PCDH7: variants seen among roughly 807,000 people sequenced by gnomAD.
The protein encoded by PCDH7 is protocadherin-7.
Under a neutral mutation model 58.9 loss-of-function variants are expected in PCDH7, and 17 were observed. The ratio of observed to expected loss-of-function variants is 0.29; its 90% confidence interval spans 0.20 to 0.43. The LOEUF is 0.43. Ranked by LOEUF, PCDH7 falls within the 20% of genes least tolerant of loss-of-function variation. PCDH7 has a pLI of 1.00. For synonymous variants in PCDH7, 664 were observed against 616.4 expected, an observed-to-expected ratio of 1.08 and a Z score of -1.14; for missense variants, 1,274 against 1,441.0, an observed-to-expected ratio of 0.88 and a Z score of 1.88.
At chr4:31,138,324 A>T (rs1340630282) in intron 3 of PCDH7, among the ~76,000 whole-genome samples, 1 of 152,174 alleles carries the variant, frequency 6.6e-6, no homozygotes, top group East Asian at 1.9e-4. Flanking sequence ...GTATAGTTTT[A>T]GGGAGGTTGT....
chr4:30,732,750 G>T (rs576444323), exon 2 of PCDH7: 4 of 151,936 alleles, frequency 2.6e-5, no homozygotes, highest in African/African-American at 9.7e-5. Context: ...CTAGACTGGG[G>T]TAGGAAGTTA....
At chr4:31,102,544 G>A (rs1473624028) in intron 3 of PCDH7, among the ~76,000 whole-genome samples, 2 of 151,978 alleles carry the variant, frequency 1.3e-5, no homozygotes, top group South Asian at 2.1e-4. Context: ...CCAACATGGC[G>A]AAACTCTGTC....
chr4:30,813,898 C>A (rs967466102), intron 1 of PCDH7, among the ~76,000 whole-genome samples: 1 of 152,138 alleles, frequency 6.6e-6, no homozygotes, highest in African/African-American at 2.4e-5. Flanking sequence ...CCTCGGCCTC[C>A]CAAAGTGCTG....
intron 1 of PCDH7, among the ~76,000 whole-genome samples, chr4:30,826,303 T>C (rs1444231686): frequency 6.6e-6 from 1 of 152,196 alleles, no homozygotes; most frequent in Non-Finnish European, 1.5e-5. Flanking sequence ...GTTAGGATTC[T>C]CTGGGACATG....
At position 30,927,665 on chromosome 4, in the gene PCDH7, C is replaced by G. The variant is rs539103857; in HGVS notation, c.287+7296C>G. On this transcript the variant is annotated intron_variant, in intron 2 of 3. Coordinates refer to the PCDH7 transcript ENST00000509759. Reference sequence around the variant, plus strand: ...AACAGATGCTTGAAGGCAGCATGCTCGTTAAGAGTCATCACCACTCTCTAA... The same window carrying G: ...AACAGATGCTTGAAGGCAGCATGCTGGTTAAGAGTCATCACCACTCTCTAA... Among the ~76,000 whole-genome samples the G allele has an allele frequency of 5.0e-4, 76 of 152,146 alleles. No homozygotes were observed. The South Asian group carries it at 0.015, about 30-fold the overall frequency.
intron 1 of PCDH7, among the ~76,000 whole-genome samples, chr4:30,756,980 G>A (rs1719389161): frequency 2.0e-5 from 3 of 152,178 alleles, no homozygotes; most frequent in Non-Finnish European, 4.4e-5. Context: ...TCTGCTCCCA[G>A]AGCTTACAGT....
chr4:30,943,572 G>A (rs1746312434), intron 2 of PCDH7, among the ~76,000 whole-genome samples: 1 of 152,082 alleles, frequency 6.6e-6, no homozygotes, highest in Non-Finnish European at 1.5e-5. Context: ...TTTCATCAGA[G>A]TGGTCTTAAC....
intron 1 of PCDH7, among the ~76,000 whole-genome samples, chr4:30,728,567 C>T (rs1048807624): frequency 1.3e-5 from 2 of 151,706 alleles, no homozygotes; most frequent in African/African-American, 4.8e-5. Flanking sequence ...TAAAGCAACA[C>T]TATCTGGATC....
intron 1 of PCDH7, among the ~76,000 whole-genome samples, chr4:30,751,004 C>G (rs1444643731): frequency 6.6e-6 from 1 of 151,956 alleles, no homozygotes; most frequent in Non-Finnish European, 1.5e-5. Flanking sequence ...AAAAATTGTC[C>G]TGTGTTATGG....
chr4:30,899,088 G>A (rs1338664114), intron 1 of PCDH7, among the ~76,000 whole-genome samples: 1 of 152,014 alleles, frequency 6.6e-6, no homozygotes, highest in Non-Finnish European at 1.5e-5. Context: ...TTTTCCTTTG[G>A]TGTGTGTGTT....
At chr4:30,873,432 T>C (rs1735870987) in intron 1 of PCDH7, among the ~76,000 whole-genome samples, 1 of 121,064 alleles carries the variant, frequency 8.3e-6, no homozygotes, top group African/African-American at 3.2e-5. Flanking sequence ...GAAAAACCTC[T>C]TGGCTACCCA....
At chr4:30,796,762 G>C (rs192058805) in intron 1 of PCDH7, among the ~76,000 whole-genome samples, 1 of 152,028 alleles carries the variant, frequency 6.6e-6, no homozygotes, top group African/African-American at 2.4e-5. Context: ...TTTACTTTCT[G>C]TTCTTCTTCT....
chr4:30,847,130 A>C (rs1403351859), intron 1 of PCDH7, among the ~76,000 whole-genome samples: 1 of 152,092 alleles, frequency 6.6e-6, no homozygotes, highest in Admixed American at 6.6e-5. Flanking sequence ...CAATAAATAA[A>C]TAAATAAGTA....
chr4:30,795,239 C>T (rs1207849720), intron 1 of PCDH7, among the ~76,000 whole-genome samples: 4 of 152,080 alleles, frequency 2.6e-5, no homozygotes, highest in South Asian at 4.1e-4. Context: ...CCTCAGCCTC[C>T]GGAGTAGCTG....
chr4:30,778,943 A>G (rs976325844), intron 1 of PCDH7, among the ~76,000 whole-genome samples: 14 of 148,502 alleles, frequency 9.4e-5, no homozygotes, highest in African/African-American at 1.5e-4. Flanking sequence ...GGGTTTCAGC[A>G]TTATCACTAG....
intron 1 of PCDH7, among the ~76,000 whole-genome samples, chr4:30,900,294 T>A (rs1415054341): frequency 6.6e-6 from 1 of 152,152 alleles, no homozygotes; most frequent in Admixed American, 6.5e-5. Context: ...AACCAATACA[T>A]TTTTTTAAAT....
intron 1 of PCDH7, among the ~76,000 whole-genome samples, chr4:30,890,130 G>A (rs1422198995): frequency 6.6e-6 from 1 of 152,064 alleles, no homozygotes; most frequent in Admixed American, 6.6e-5. Flanking sequence ...GACTTAAGGA[G>A]ATATTATTAG....
intron 3 of PCDH7, among the ~76,000 whole-genome samples, chr4:31,121,445 T>G (rs997950009): frequency 7.2e-5 from 11 of 152,226 alleles, no homozygotes; most frequent in African/African-American, 2.7e-4. Context: ...ATAATTAATT[T>G]AAGAATAACT....
intron 1 of PCDH7, among the ~76,000 whole-genome samples, chr4:30,864,884 G>A (rs1473009536): frequency 6.6e-6 from 1 of 152,212 alleles, no homozygotes; most frequent in Non-Finnish European, 1.5e-5. Context: ...ATAAAAAAAT[G>A]AAGGAGATAA....
Sources: gnomAD v4.1 joint callset for allele counts (sites outside exome capture counted in the v4.1 genomes callset) on GRCh38, gnomAD v4.1.1 for gene constraint, MANE v1.5 for transcripts, NCBI Gene and HGNC (gene_info 2026-07-23, HGNC 2026-07-21) for gene names.